Variants in LMBR1 observed in about 807,000 individuals in gnomAD.
LMBR1 encodes limb development membrane protein 1, also known as limb region 1 protein homolog.
A neutral mutation model predicts 73.9 loss-of-function variants in LMBR1; 52 were observed. The observed-to-expected ratio is 0.70, with a 90% CI of 0.56 to 0.89. The LOEUF (loss-of-function observed/expected upper bound fraction) is 0.89. Among genes scored for constraint, LMBR1 ranks in the 40% least tolerant of loss-of-function variants. LMBR1 has a pLI of 0.00. For synonymous variants in LMBR1, 215 were observed against 209.4 expected, an observed-to-expected ratio of 1.03 and a Z score of -0.23; for missense variants, 539 against 579.8, an observed-to-expected ratio of 0.93 and a Z score of 0.72.
chr7:156,703,017 T>C (rs1172580098), intron 15 of LMBR1, among the ~76,000 whole-genome samples: 2 of 152,202 alleles, frequency 1.3e-5, no homozygotes, highest in Non-Finnish European at 2.9e-5. Flanking sequence ...TAAGTGAGTG[T>C]CCTTCTGGGG....
At chr7:156,774,032 C>A (rs1419982203) in intron 5 of LMBR1, among the ~76,000 whole-genome samples, 1 of 150,638 alleles carries the variant, frequency 6.6e-6, no homozygotes, top group East Asian at 1.9e-4. Context: ...AAAAAAAAAA[C>A]CACACTAAAA....
At chr7:156,848,875 G>C (rs899250068) in intron 1 of LMBR1, among the ~76,000 whole-genome samples, 10 of 149,558 alleles carry the variant, frequency 6.7e-5, no homozygotes, top group African/African-American at 2.5e-4. Context: ...AGGCTGCAGT[G>C]AGCAGAGATC....
chr7:156,686,739 G>A (rs1806097616), intron 16 of LMBR1, among the ~76,000 whole-genome samples: 2 of 152,178 alleles, frequency 1.3e-5, no homozygotes, highest in Admixed American at 6.5e-5. Flanking sequence ...AGTTACGGCA[G>A]TTCATTTGCA....
chr7:156,712,405 G>A (rs1257950918), intron 15 of LMBR1, among the ~76,000 whole-genome samples: 6 of 152,076 alleles, frequency 3.9e-5, no homozygotes, highest in South Asian at 2.1e-4. Context: ...ACTTCTATAC[G>A]GTTGGTGGGA....
chr7:156,759,044 C>T lies in LMBR1; in HGVS notation c.685-2579G>A, dbSNP rs192618751. Among the ~76,000 whole-genome samples the T allele has an allele frequency of 9.9e-5, 15 of 152,272 alleles. No homozygotes were observed. The East Asian group carries it at 2.7e-3, about 27-fold the overall frequency. On this transcript the variant is annotated intron_variant, in intron 8 of 16. Coordinates refer to ENST00000353442, the MANE Select transcript of LMBR1 (RefSeq NM_022458.4). ...ATATGGGTAAGACATAGTCCTTGACCTCAAACAGCTGATATTCTAGTGTAG... is the reference window on the plus strand; with the variant it reads ...ATATGGGTAAGACATAGTCCTTGACTTCAAACAGCTGATATTCTAGTGTAG...
At chr7:156,719,097 A>G (rs1238137506) in intron 15 of LMBR1, among the ~76,000 whole-genome samples, 4 of 151,408 alleles carry the variant, frequency 2.6e-5, no homozygotes, top group Admixed American at 1.3e-4. Flanking sequence ...CTCGTCATTT[A>G]GCATTAGGTA....
chr7:156,825,312 AAAT>A lies in LMBR1; in HGVS notation c.319+1290_319+1292del, dbSNP rs573383011. 3.9e-5 allele frequency among the ~76,000 whole-genome samples: 6 copies of A among 152,336 alleles called. No individual in the cohort carries two copies. In the South Asian group the frequency reaches 1.2e-3, roughly 32 times the overall value. Reference sequence around the variant, plus strand: ...ATAACACCAACTAACTACATTAACAAAATAATAATTAGTAATATAGTTACTAGT... The same window carrying A: ...ATAACACCAACTAACTACATTAACAAAATAATTAGTAATATAGTTACTAGT... On this transcript the variant is annotated intron_variant, in intron 4 of 16. Transcript: ENST00000353442.
In LMBR1 at chr7:156,725,775, G is replaced by T; in HGVS notation, c.1056C>A (p.Ile352=). The change falls in exon 13 of 17, where the codon ATC becomes ATA. Residue 352 remains isoleucine, a synonymous_variant. Transcript: ENST00000353442. The part of the protein sequence containing the change: ...TFGFVGAALE[I]ILIFYLMVSS... The stretch of plus-strand genomic sequence containing the variant: ...TAAAGAAAGGATACAAAATCAAAAT[G>T]ATTTCAAGCGCAGCTCCCACAAAAC... The T allele has an allele frequency of 1.2e-6, 2 of 1,613,340 alleles. No individual in the cohort carries two copies. The highest frequency in any genetic ancestry group is 1.7e-6 in the Non-Finnish European group (2 of 1,179,614).
chr7:156,674,401 A>C (rs1216905553), downstream of LMBR1, among the ~76,000 whole-genome samples: 1 of 152,258 alleles, frequency 6.6e-6, no homozygotes. Flanking sequence ...AGGACAAGCA[A>C]GAGGGCAGGA....
At chr7:156,866,634 C>T (rs1321532858) in intron 1 of LMBR1, among the ~76,000 whole-genome samples, 4 of 146,742 alleles carry the variant, frequency 2.7e-5, no homozygotes, top group Non-Finnish European at 6.0e-5. Context: ...GAGACATAGT[C>T]TTGCTCCATC....
chr7:156,753,194 G>C (rs1004387900), intron 9 of LMBR1, among the ~76,000 whole-genome samples: 2 of 152,048 alleles, frequency 1.3e-5, no homozygotes, highest in Non-Finnish European at 2.9e-5. Context: ...GTGTCCTGGA[G>C]TGATGGGAAG....
intron 4 of LMBR1, among the ~76,000 whole-genome samples, chr7:156,803,804 T>C (rs1427472194): frequency 7.9e-5 from 12 of 152,020 alleles, no homozygotes; most frequent in Non-Finnish European, 1.3e-4. Flanking sequence ...CATGGAATAC[T>C]ATGCAGCCAT....
Position 156,725,427 on chromosome 7 carries a change from T to A in LMBR1, c.1158+8A>T. 6.4e-7 allele frequency: 1 copy of A among 1,568,798 alleles called. No individual in the cohort carries two copies. Among genetic ancestry groups the A allele is most frequent in the South Asian group, 1.1e-5 (1 of 87,440 alleles). On this transcript the variant is annotated splice_region_variant and intron_variant, in intron 14 of 16. Coordinates refer to ENST00000353442, the MANE Select transcript of LMBR1 (RefSeq NM_022458.4). ...GAGAGGCCACAGTCACCTAAGATTC[T>A]ACCTTACCTTTGTCATAGTTGTGTC...
intron 15 of LMBR1, among the ~76,000 whole-genome samples, chr7:156,689,064 T>C (rs1806587770): frequency 1.3e-5 from 2 of 152,192 alleles, no homozygotes; most frequent in South Asian, 4.1e-4. Context: ...TATACACATT[T>C]GTAAAAGTAT....
intron 9 of LMBR1, among the ~76,000 whole-genome samples, chr7:156,739,478 G>A (rs1461152139): frequency 1.3e-5 from 2 of 152,170 alleles, no homozygotes; most frequent in Non-Finnish European, 2.9e-5. Context: ...TGTTTACAGT[G>A]GGCTTTGAGT....
Position 156,802,598 on chromosome 7 carries a change from ATTTT to A in LMBR1, c.320-6110_320-6107del, listed in dbSNP as rs139560683. On this transcript the variant is annotated intron_variant, in intron 4 of 16. Coordinates refer to ENST00000353442, the MANE Select transcript of LMBR1 (RefSeq NM_022458.4). ...ACATATACAAATATAAGAAATATTA[ATTTT>A]TAACAGCTTTATTGAACTACATAAA... 5.7e-4 allele frequency among the ~76,000 whole-genome samples: 87 copies of A among 152,332 alleles called. 2 individuals carry two copies. In the East Asian group the frequency reaches 0.016, roughly 28 times the overall value.
At chr7:156,718,294 C>T (rs111766108) in intron 15 of LMBR1, among the ~76,000 whole-genome samples, 2 of 150,890 alleles carry the variant, frequency 1.3e-5, no homozygotes, top group South Asian at 2.1e-4. Context: ...CAGGTACTTG[C>T]GAGGCTGAGG....
At chr7:156,848,147 T>C (rs896688446) in intron 1 of LMBR1, among the ~76,000 whole-genome samples, 1 of 149,338 alleles carries the variant, frequency 6.7e-6, no homozygotes. Flanking sequence ...ACCTAGGAAA[T>C]ACCATTCTGG....
chr7:156,809,815 T>A (rs1563418880), intron 4 of LMBR1, among the ~76,000 whole-genome samples: 1 of 152,308 alleles, frequency 6.6e-6, no homozygotes, highest in East Asian at 1.9e-4. Flanking sequence ...GATTTTCTCT[T>A]TATCACTGAT....
Sources: allele counts gnomAD v4.1 joint callset (sites outside exome capture counted in the v4.1 genomes callset), GRCh38; gene constraint gnomAD v4.1.1; transcripts MANE v1.5; gene names NCBI Gene and HGNC (gene_info 2026-07-23, HGNC 2026-07-21).